CD207: variants seen among roughly 807,000 people sequenced by gnomAD.
CD207 encodes the protein CD207 molecule.
In CD207, 28 loss-of-function variants were observed where a neutral mutation model predicts 31.6. That is an observed-to-expected ratio of 0.89 (90% CI 0.66 to 1.21). The LOEUF (loss-of-function observed/expected upper bound fraction) is 1.21, where lower values mean the gene tolerates loss of function less well. Among genes scored for constraint, CD207 ranks in the 50% most tolerant of loss-of-function variants. The pLI is 0.00. For synonymous variants in CD207, 168 were observed against 153.9 expected, an observed-to-expected ratio of 1.09 and a Z score of -0.68; for missense variants, 388 against 397.8, an observed-to-expected ratio of 0.98 and a Z score of 0.21.
chr2:70,825,487 G>T (rs1298635339), downstream of CD207, among the ~76,000 whole-genome samples: 4 of 152,160 alleles, frequency 2.6e-5, no homozygotes, highest in African/African-American at 9.7e-5. Context: ...GAAACTCTCT[G>T]TATTATCTTC....
At chr2:70,827,042 C>G (rs1281971143), downstream of CD207, among the ~76,000 whole-genome samples, 1 of 152,142 alleles carries the variant, frequency 6.6e-6, no homozygotes, top group Non-Finnish European at 1.5e-5. Flanking sequence ...TCACCTCACA[C>G]CACACTCCAG....
At chr2:70,829,847 C>T (rs1162435767), downstream of CD207, among the ~76,000 whole-genome samples, 3 of 152,100 alleles carry the variant, frequency 2.0e-5, no homozygotes, top group African/African-American at 7.2e-5. Context: ...GCCTGGATTC[C>T]AGCTTCAGCC....
At chr2:70,833,114 GGGGGCACTTGAAT>G in intron 3 of CD207, 63 bp from the exon 4 acceptor site, 1 of 1,547,988 alleles carries the variant, frequency 6.5e-7, no homozygotes, top group East Asian at 2.2e-5. Context: ...CTGGCTTGGT[GGGGGCACTTGAAT>G]GAGGTCTCAG....
downstream of CD207, among the ~76,000 whole-genome samples, chr2:70,828,003 GA>G (rs1186974568): frequency 1.0e-4 from 15 of 150,208 alleles, no homozygotes; most frequent in East Asian, 1.4e-3. Flanking sequence ...TGCCAAATCA[GA>G]AAAAAAAAGA....
At chr2:70,826,894 G>A (rs944167280), downstream of CD207, among the ~76,000 whole-genome samples, 1 of 152,120 alleles carries the variant, frequency 6.6e-6, no homozygotes, top group Admixed American at 6.5e-5. Flanking sequence ...CATTTGTCAC[G>A]CTTCTTCAAC....
At position 70,835,571 on chromosome 2, in the gene CD207, C is replaced by T. The variant is rs1553400872; in HGVS notation, c.110G>A (p.Gly37Glu). The change falls in exon 2 of 6, where the codon GGG becomes GAG. Residue 37 changes from glycine (G) to glutamate (E), a missense_variant. Physicochemically the swap from Gly to Glu is moderately conservative, Grantham distance 98. Coordinates refer to ENST00000410009, the MANE Select transcript of CD207 (RefSeq NM_015717.5). ...PPKSGPSLVP[G>E]KTPTVRAALI... ...TGCAGCACGGACTGTGGGTGTTTTC[C>T]CCGGGACCAGAGATGGACCGGACTT... 6.2e-7 allele frequency: 1 copy of T among 1,613,968 alleles called. No individual in the cohort carries two copies. Among genetic ancestry groups the T allele is most frequent in the Non-Finnish European group, 8.5e-7 (1 of 1,179,888 alleles).
At chr2:70,825,552 T>G (rs76193120), downstream of CD207, among the ~76,000 whole-genome samples, 1 of 148,796 alleles carries the variant, frequency 6.7e-6, no homozygotes, top group Admixed American at 6.6e-5. Context: ...TTAAAAAAAA[T>G]TTTTGAGACA....
At chr2:70,826,750 C>T (rs188858256), downstream of CD207, among the ~76,000 whole-genome samples, 5 of 152,296 alleles carry the variant, frequency 3.3e-5, no homozygotes, top group East Asian at 9.6e-4. Context: ...AGGAAGATAC[C>T]TAAACCAAGA....
chr2:70,833,726 T>A lies in CD207; in HGVS notation c.485A>T (p.Glu162Val). The A allele has an allele frequency of 6.2e-7, 1 of 1,614,056 alleles. No individual in the cohort carries two copies. The highest frequency in any genetic ancestry group is 1.1e-5 in the South Asian group (1 of 91,080). ...CTTTGTATTTAAAGCACTGGCTTTC[T>A]CCAAATCACTTTTTAACTCTGGGAT... ...AQIPELKSDL[E>V]KASALNTKIR... Residue 162 changes from glutamate (E) to valine (V), a missense_variant, in exon 3 of 6, where the codon GAG (glutamate) becomes GTG (valine). Coordinates refer to ENST00000410009, the MANE Select transcript of CD207 (RefSeq NM_015717.5).
chr2:70,835,791 C>T lies in CD207; in HGVS notation c.-15G>A, dbSNP rs782096861. 1 of 1,600,332 alleles carries T rather than the reference C, an allele frequency of 6.2e-7. No individual in the cohort carries two copies. The highest frequency in any genetic ancestry group is 8.5e-7 in the Non-Finnish European group (1 of 1,171,400). On this transcript the variant is annotated 5_prime_UTR_variant, in exon 1 of 6. Transcript: ENST00000410009. ...TCCACAGTCATCCTGAGTGCTCACC[C>T]TTATCCTGGGAGCACAGGTGCTTCT...
Position 70,835,591 on chromosome 2 carries a change from G to C in CD207, c.90C>G (p.Ser30=). Residue 30 remains serine, a synonymous_variant, in exon 2 of 6, where the codon TCC becomes TCG. Coordinates refer to ENST00000410009, the MANE Select transcript of CD207 (RefSeq NM_015717.5). The part of the protein sequence containing the change: ...SLWPREPPPK[S]GPSLVPGKTP... ...TTTTCCCCGGGACCAGAGATGGACC[G>C]GACTTGGGAGGAGGCTCTGTTGGAA... 1.9e-6 allele frequency: 3 copies of C among 1,613,868 alleles called. No individual in the cohort carries two copies. Among genetic ancestry groups the C allele is most frequent in the Non-Finnish European group, 1.7e-6 (2 of 1,179,750 alleles).
intron 2 of CD207, among the ~76,000 whole-genome samples, chr2:70,834,640 C>T (rs1230189589): frequency 6.6e-6 from 1 of 152,116 alleles, no homozygotes; most frequent in East Asian, 1.9e-4. Context: ...GCCTGGGTAC[C>T]AGAGAGAGGA....
intron 3 of CD207, 31 bp from the exon 4 acceptor site, chr2:70,833,082 G>T (rs1677519309): frequency 5.0e-6 from 8 of 1,612,232 alleles, no homozygotes; most frequent in Non-Finnish European, 6.8e-6. Context: ...GTGAACGCTG[G>T]TATTCTTGAT....
At position 70,835,523 on chromosome 2, in the gene CD207, A is replaced by G. The variant is rs1553400857; in HGVS notation, c.158T>C (p.Leu53Pro). The G allele has an allele frequency of 6.2e-7, 1 of 1,613,824 alleles. No individual in the cohort carries two copies. Among genetic ancestry groups the G allele is most frequent in the Non-Finnish European group, 8.5e-7 (1 of 1,179,802 alleles). Reference protein sequence around the residue: ...RAALICLTLVLVASVLLQAVL... With the variant: ...RAALICLTLVPVASVLLQAVL... ...GGCCTGCAGCAGGACGGAGGCGACC[A>G]GGACCAGCGTCAGGCAGATTAATGC... Residue 53 changes from leucine (L) to proline (P), a missense_variant, in exon 2 of 6, where the codon CTG becomes CCG. Coordinates refer to ENST00000410009, the MANE Select transcript of CD207 (RefSeq NM_015717.5).
downstream of CD207, among the ~76,000 whole-genome samples, chr2:70,827,210 AC>A (rs1553399004): frequency 6.6e-6 from 1 of 152,204 alleles, no homozygotes; most frequent in African/African-American, 2.4e-5. Context: ...AGGAAGCCTT[AC>A]GAAATCCTTT....
the CD207 span, among the ~76,000 whole-genome samples, chr2:70,824,445 G>A: frequency 6.6e-6 from 1 of 151,812 alleles, no homozygotes; most frequent in Non-Finnish European, 1.5e-5. Context: ...GAGAGGCAAT[G>A]ATGTTCAAAT....
chr2:70,827,491 G>A (rs1358866931), downstream of CD207, among the ~76,000 whole-genome samples: 1 of 152,204 alleles, frequency 6.6e-6, no homozygotes, highest in African/African-American at 2.4e-5. Context: ...CTGGCCAGGT[G>A]GGGTCACCAA....
rs782259441 is a variant in CD207, at chr2:70,835,672, C to T, written c.73+32G>A. 65 of 1,610,698 alleles carry T rather than the reference C, an allele frequency of 4.0e-5. 1 individual carries two copies. The highest frequency in any genetic ancestry group is 3.0e-4 in the South Asian group (27 of 90,892). Reference sequence around the variant, plus strand: ...AAAGGGCAGGTTTGCACACAGAACACGGAGCAGGTTCTCAGCAGCGATGTG... The same window carrying T: ...AAAGGGCAGGTTTGCACACAGAACATGGAGCAGGTTCTCAGCAGCGATGTG... On this transcript the variant is annotated intron_variant, in intron 1 of 5. Coordinates refer to ENST00000410009, the MANE Select transcript of CD207 (RefSeq NM_015717.5).
At chr2:70,831,511 G>T (rs549440459) in intron 5 of CD207, among the ~76,000 whole-genome samples, 190 bp downstream of exon 5, 1 of 152,340 alleles carries the variant, frequency 6.6e-6, no homozygotes, top group South Asian at 2.1e-4. Context: ...ACCCCAGAGG[G>T]CGTGGAGGGC....
Sources: gnomAD v4.1 joint callset for allele counts (sites outside exome capture counted in the v4.1 genomes callset) on GRCh38, gnomAD v4.1.1 for gene constraint, MANE v1.5 for transcripts, NCBI Gene and HGNC (gene_info 2026-07-23, HGNC 2026-07-21) for gene names.